The following SYT16 variants were observed in gnomAD, a reference collection of about 807,000 sequenced individuals.
SYT16 encodes the protein synaptotagmin 16, also known as synaptotagmin-16.
Under a neutral mutation model 61.4 loss-of-function variants are expected in SYT16, and 42 were observed. That is an observed-to-expected ratio of 0.68 (90% CI 0.53 to 0.89). SYT16 has a LOEUF of 0.89. Ranked by LOEUF, SYT16 falls within the 40% of genes least tolerant of loss-of-function variation. The pLI is 0.00. For synonymous variants in SYT16, 314 were observed against 302.3 expected (o/e 1.04, Z -0.40); for missense variants, 804 against 807.3 (o/e 1.00, Z 0.05).
At chr14:62,091,796 C>T (rs1051470848) in intron 7 of SYT16, among the ~76,000 whole-genome samples, 1 of 152,116 alleles carries the variant, frequency 6.6e-6, no homozygotes, top group African/African-American at 2.4e-5. Flanking sequence ...TTGGATTTGG[C>T]AGTGATTTCT....
At chr14:62,006,513 A>T (rs1254580174) in intron 3 of SYT16, among the ~76,000 whole-genome samples, 1 of 152,198 alleles carries the variant, frequency 6.6e-6, no homozygotes, top group African/African-American at 2.4e-5. Flanking sequence ...TTGGCCCAAA[A>T]CAAGAGGGAT....
At chr14:61,942,272 C>T (rs1371478434) in intron 1 of SYT16, among the ~76,000 whole-genome samples, 1 of 152,020 alleles carries the variant, frequency 6.6e-6, no homozygotes, top group African/African-American at 2.4e-5. Flanking sequence ...AATAAATTTC[C>T]CACACATAGA....
chr14:62,041,120 T>C (rs1461547608), intron 3 of SYT16, among the ~76,000 whole-genome samples: 1 of 152,116 alleles, frequency 6.6e-6, no homozygotes, highest in African/African-American at 2.4e-5. Flanking sequence ...GGGAGGCTAG[T>C]CCTGTCTAGC....
At chr14:61,929,745 A>G (rs1217374660) in intron 1 of SYT16, among the ~76,000 whole-genome samples, 1 of 152,208 alleles carries the variant, frequency 6.6e-6, no homozygotes, top group Non-Finnish European at 1.5e-5. Context: ...CTAAAAGGGT[A>G]ATATCATAGC....
intron 3 of SYT16, among the ~76,000 whole-genome samples, chr14:61,998,979 G>T (rs1425973301): frequency 6.6e-6 from 1 of 151,806 alleles, no homozygotes; most frequent in African/African-American, 2.4e-5. Context: ...AGCCAATTTT[G>T]CATAGCTTGG....
At chr14:62,025,951 A>G (rs1247615298) in intron 3 of SYT16, among the ~76,000 whole-genome samples, 3 of 151,996 alleles carry the variant, frequency 2.0e-5, no homozygotes, top group African/African-American at 7.2e-5. Context: ...ATTAATTGCT[A>G]ATATTAAACT....
intron 1 of SYT16, among the ~76,000 whole-genome samples, chr14:61,820,469 G>GGTTTT (rs2045578027): frequency 2.5e-4 from 15 of 61,084 alleles, no homozygotes; most frequent in African/African-American, 1.0e-3. Context: ...CCTCTTCAGA[G>GGTTTT]TTTTTTTTTT....
At chr14:61,827,749 A>G (rs2140228618) in intron 1 of SYT16, among the ~76,000 whole-genome samples, 1 of 152,304 alleles carries the variant, frequency 6.6e-6, no homozygotes, top group South Asian at 2.1e-4. Context: ...AGTAGGAACT[A>G]CACTGTACAT....
At chr14:61,940,775 T>C (rs1163115291) in intron 1 of SYT16, among the ~76,000 whole-genome samples, 5 of 152,204 alleles carry the variant, frequency 3.3e-5, no homozygotes, top group Non-Finnish European at 7.3e-5. Context: ...TTTCCTTTTG[T>C]CACCCACATA....
intron 1 of SYT16, among the ~76,000 whole-genome samples, chr14:61,961,922 A>G (rs2051131689): frequency 6.6e-6 from 1 of 152,204 alleles, no homozygotes; most frequent in Admixed American, 6.5e-5. Context: ...TATGCTGTGG[A>G]ATACTACATA....
At chr14:62,021,667 G>C (rs933328332) in intron 3 of SYT16, among the ~76,000 whole-genome samples, 1 of 133,704 alleles carries the variant, frequency 7.5e-6, no homozygotes, top group African/African-American at 2.5e-5. Context: ...CCTCTACCAA[G>C]AATGGACTAA....
chr14:62,057,085 C>T (rs1272082984), intron 3 of SYT16, among the ~76,000 whole-genome samples: 1 of 152,178 alleles, frequency 6.6e-6, no homozygotes, highest in Non-Finnish European at 1.5e-5. Flanking sequence ...GCCAGGAGCC[C>T]AGTTCTGCCT....
chr14:62,015,483 C>G (rs2053634168), intron 3 of SYT16, among the ~76,000 whole-genome samples: 1 of 62,344 alleles, frequency 1.6e-5, no homozygotes, highest in South Asian at 4.9e-4. Context: ...TTTGCCTTGA[C>G]CTTCTCCTCC....
chr14:61,955,743 A>G (rs985314702), intron 1 of SYT16, among the ~76,000 whole-genome samples: 18 of 152,228 alleles, frequency 1.2e-4, no homozygotes, highest in African/African-American at 3.4e-4. Context: ...TAATACTTCA[A>G]TGAACATGGG....
chr14:61,897,923 T>C (rs543002728), intron 1 of SYT16, among the ~76,000 whole-genome samples: 4 of 152,256 alleles, frequency 2.6e-5, no homozygotes, highest in African/African-American at 7.2e-5. Context: ...CCCACATCTC[T>C]TGGGGCTGCA....
At chr14:62,015,992 G>A (rs918442332) in intron 3 of SYT16, among the ~76,000 whole-genome samples, 10 of 152,148 alleles carry the variant, frequency 6.6e-5, no homozygotes, top group South Asian at 4.1e-4. Flanking sequence ...GATAGTCCTG[G>A]GAGCTCTGGT....
chr14:61,951,755 A>T (rs191823300), intron 1 of SYT16, among the ~76,000 whole-genome samples: 17 of 152,148 alleles, frequency 1.1e-4, no homozygotes, highest in Admixed American at 2.6e-4. Context: ...TTTATTGGGC[A>T]TATGTTCCTA....
intron 3 of SYT16, among the ~76,000 whole-genome samples, chr14:62,007,715 A>G (rs2053279341): frequency 6.6e-6 from 1 of 152,138 alleles, no homozygotes; most frequent in Non-Finnish European, 1.5e-5. Context: ...GGATGTTGTT[A>G]TGATAGAATA....
chr14:61,989,481 C>T (rs1472544844), intron 2 of SYT16, among the ~76,000 whole-genome samples: 8 of 152,080 alleles, frequency 5.3e-5, no homozygotes, highest in Non-Finnish European at 1.0e-4. Flanking sequence ...GAGAATCGCT[C>T]GAACCTGGAA....
Sources: allele counts gnomAD v4.1 joint callset (sites outside exome capture counted in the v4.1 genomes callset), GRCh38; gene constraint gnomAD v4.1.1; transcripts MANE v1.5; gene names NCBI Gene and HGNC (gene_info 2026-07-23, HGNC 2026-07-21).